CCDC146: variants seen among roughly 807,000 people sequenced by gnomAD.
CCDC146 encodes coiled-coil domain containing 146.
In CCDC146, 92 loss-of-function variants were observed where a neutral mutation model predicts 119.3. The observed-to-expected ratio is 0.77, with a 90% CI of 0.65 to 0.92. The LOEUF is 0.92. Ranked by LOEUF, CCDC146 falls within the 40% of genes least tolerant of loss-of-function variation. The pLI, the probability that CCDC146 is intolerant of heterozygous loss-of-function variation, is 0.00. For missense variants in CCDC146, 1,000 were observed against 1,103.0 expected (o/e 0.91, Z 1.32); for synonymous variants, 372 against 371.8 (o/e 1.00, Z -0.01).
In CCDC146 at chr7:77,196,549, GT is replaced by G; in HGVS notation, c.156+28727del. 1 of 1,614,138 alleles carries G rather than the reference GT, an allele frequency of 6.2e-7. No individual in the cohort carries two copies. The highest frequency in any genetic ancestry group is 1.1e-5 in the South Asian group (1 of 91,082). On this transcript the variant is annotated intron_variant, in intron 2 of 18. Transcript: ENST00000285871. The surrounding 1 kb of genome is among the most constrained non-coding windows in gnomAD (Gnocchi z 4.2). ...GAGTGGTGAAAAACTTCAGATCGTGGTTGTAATGTTTGTTGAAACGTAATGC... is the reference window on the plus strand; with the variant it reads ...GAGTGGTGAAAAACTTCAGATCGTGGTGTAATGTTTGTTGAAACGTAATGC...
intron 1 of CCDC146, among the ~76,000 whole-genome samples, chr7:77,149,560 G>C (rs1369044895): frequency 6.6e-6 from 1 of 152,068 alleles, no homozygotes; most frequent in East Asian, 1.9e-4. Flanking sequence ...GAGGTCAGAA[G>C]TTCCAGATCA....
At position 77,196,636 on chromosome 7, in the gene CCDC146, C is replaced by A. The variant is rs150013489; in HGVS notation, c.156+28812C>A. 454 of 1,613,994 alleles carry A rather than the reference C, an allele frequency of 2.8e-4. No individual in the cohort carries two copies. In the East Asian group the frequency reaches 9.0e-3, roughly 32 times the overall value. ...AACGATATTTGAGAAACTCATTAGC[C>A]ACATAAAACTGATCATACAAGGCAT... On this transcript the variant is annotated intron_variant, in intron 2 of 18. Transcript: ENST00000285871. This position sits in a 1 kb window ranked among gnomAD's most constrained non-coding sequence, Gnocchi z 4.2.
intron 17 of CCDC146, among the ~76,000 whole-genome samples, chr7:77,289,206 A>G (rs1314445702): frequency 6.6e-6 from 1 of 152,202 alleles, no homozygotes; most frequent in African/African-American, 2.4e-5. Context: ...TGCAAAATGA[A>G]TTTCCCTTTC....
chr7:77,228,571 T>A (rs539300844), intron 2 of CCDC146, among the ~76,000 whole-genome samples: 1 of 152,364 alleles, frequency 6.6e-6, no homozygotes, highest in African/African-American at 2.4e-5. Context: ...GATGGACATT[T>A]AGGTTGATTC....
chr7:77,159,091 C>T (rs1164511472), intron 1 of CCDC146, among the ~76,000 whole-genome samples: 1 of 152,136 alleles, frequency 6.6e-6, no homozygotes, highest in Non-Finnish European at 1.5e-5. Context: ...CACCAACCAT[C>T]ATCAATCTCA....
At chr7:77,231,142 A>G (rs1385629297) in intron 2 of CCDC146, among the ~76,000 whole-genome samples, 1 of 152,180 alleles carries the variant, frequency 6.6e-6, no homozygotes, top group African/African-American at 2.4e-5. Context: ...TGTGTATGCT[A>G]CCCACCCATT....
intron 2 of CCDC146, among the ~76,000 whole-genome samples, chr7:77,224,549 C>T (rs1584088489): frequency 6.6e-6 from 1 of 152,206 alleles, no homozygotes; most frequent in South Asian, 2.1e-4. Flanking sequence ...AGAAAGCCAT[C>T]CACAGGTTCC....
intron 2 of CCDC146, among the ~76,000 whole-genome samples, chr7:77,212,154 A>C (rs192671716): frequency 3.8e-3 from 581 of 152,360 alleles, no homozygotes; most frequent in Non-Finnish European, 5.5e-3. Flanking sequence ...AAATGCCTAC[A>C]TAAAAAATAC....
At position 77,273,623 on chromosome 7, in the gene CCDC146, C is replaced by A. The variant is rs546443414; in HGVS notation, c.1174-71C>A. On this transcript the variant is annotated intron_variant, in intron 9 of 18. Coordinates refer to ENST00000285871, the MANE Select transcript of CCDC146 (RefSeq NM_020879.3). ...GCAACTTCTGCCTCCCGGGTTCAAG[C>A]AATTCTCTGCCTCAGCCTCCCAAAG... 26 of 1,153,562 alleles carry A rather than the reference C, an allele frequency of 2.3e-5. No homozygotes were observed. The African/African-American group carries it at 3.5e-4, about 16-fold the overall frequency. 71.5% of individuals were successfully genotyped at this position (1,153,562 alleles called of 1,614,324 possible).
chr7:77,162,218 A>G lies in CCDC146; in HGVS notation c.-11-5440A>G, dbSNP rs567198293. 1.1e-4 allele frequency among the ~76,000 whole-genome samples: 17 copies of G among 152,198 alleles called. No homozygotes were observed. The East Asian group carries it at 1.9e-3, about 17-fold the overall frequency. On this transcript the variant is annotated intron_variant, in intron 1 of 18. Coordinates refer to ENST00000285871, the MANE Select transcript of CCDC146 (RefSeq NM_020879.3). ...TTGGTGTCATATCCAAAATATAATC[A>G]CTAAAACCAATGTCAAGGACTTTTT...
At chr7:77,153,443 T>TA (rs397953515) in intron 1 of CCDC146, among the ~76,000 whole-genome samples, 1 of 138,322 alleles carries the variant, frequency 7.2e-6, no homozygotes, top group Non-Finnish European at 1.6e-5. Flanking sequence ...TTTTTTTTTT[T>TA]AACAATAAAA....
At chr7:77,292,490 A>C (rs895183015) in intron 17 of CCDC146, among the ~76,000 whole-genome samples, 1 of 149,778 alleles carries the variant, frequency 6.7e-6, no homozygotes, top group African/African-American at 2.5e-5. Flanking sequence ...GGTGTTGGGC[A>C]CTTGTAGTCC....
rs999858777 is a variant in CCDC146 at position 77,256,058 on chromosome 7, G to A, written c.508-275G>A. Among the ~76,000 whole-genome samples the A allele has an allele frequency of 6.6e-5, 10 of 151,928 alleles. 1 individual carries two copies. The South Asian group carries it at 2.1e-3, about 32-fold the overall frequency. On this transcript the variant is annotated intron_variant, in intron 5 of 18. Transcript: ENST00000285871. ...CACATAAAATGAAACGTTTTTAAAT[G>A]TAGGAGGATAGAAAAGAGCACTAAT...
intron 2 of CCDC146, among the ~76,000 whole-genome samples, chr7:77,218,491 T>C (rs1416058517): frequency 2.0e-5 from 3 of 152,032 alleles, no homozygotes; most frequent in Non-Finnish European, 4.4e-5. Context: ...TTATGGTAGC[T>C]CTGAAAGTCA....
chr7:77,271,142 C>T (rs1793504300), intron 9 of CCDC146, among the ~76,000 whole-genome samples: 1 of 151,626 alleles, frequency 6.6e-6, no homozygotes, highest in African/African-American at 2.4e-5. Flanking sequence ...AGTATTGATC[C>T]TGGGTGTGTC....
rs369224499 is a variant in CCDC146 at position 77,280,671 on chromosome 7, G to C, written c.1919+18G>C. ...AATGAAAGGTAAAAACCAGGTGTGA[G>C]AACAGAGCACCAGGGATCCAACTGA... On this transcript the variant is annotated intron_variant, in intron 14 of 18. Coordinates refer to ENST00000285871, the MANE Select transcript of CCDC146 (RefSeq NM_020879.3). The C allele has an allele frequency of 9.0e-6, 14 of 1,562,316 alleles. No homozygotes were observed. The highest frequency in any genetic ancestry group is 1.2e-5 in the Non-Finnish European group (14 of 1,141,324).
chr7:77,265,606 A>AT (rs1793386022), intron 9 of CCDC146, among the ~76,000 whole-genome samples: 2 of 152,238 alleles, frequency 1.3e-5, no homozygotes, highest in South Asian at 4.1e-4. Context: ...GAAAATCTAG[A>AT]TTAAGTACCA....
At chr7:77,281,784 G>A (rs1222334094) in intron 14 of CCDC146, among the ~76,000 whole-genome samples, 1 of 152,152 alleles carries the variant, frequency 6.6e-6, no homozygotes, top group Non-Finnish European at 1.5e-5. Flanking sequence ...CATAATGTGT[G>A]GGAAGACCTT....
At chr7:77,150,639 C>G (rs974804458) in intron 1 of CCDC146, among the ~76,000 whole-genome samples, 2 of 152,142 alleles carry the variant, frequency 1.3e-5, no homozygotes, top group African/African-American at 2.4e-5. Flanking sequence ...CTTTGGGAAC[C>G]AATTTGGCTG....
Sources: allele counts gnomAD v4.1 joint callset (sites outside exome capture counted in the v4.1 genomes callset), GRCh38; gene constraint gnomAD v4.1.1; non-coding constraint Gnocchi (gnomAD v3.1); transcripts MANE v1.5; gene names NCBI Gene and HGNC (gene_info 2026-07-23, HGNC 2026-07-21).